Variants in ABCC1 observed in about 807,000 individuals in gnomAD.
ABCC1 encodes the protein multidrug resistance-associated protein 1.
A neutral mutation model predicts 172.9 loss-of-function variants in ABCC1; 83 were observed. The observed-to-expected ratio is 0.48, with a 90% CI of 0.40 to 0.58. The LOEUF is 0.58. Among genes scored for constraint, ABCC1 ranks in the 20% least tolerant of loss-of-function variants. ABCC1 has a pLI of 0.00. For synonymous variants in ABCC1, 937 were observed against 825.2 expected (o/e 1.14, Z -2.32); for missense variants, 1,817 against 2,002.7 (o/e 0.91, Z 1.77).
chr16:16,026,464 C>CTTTTTTTTTTTTTTTTTTTTT (rs1491397616), intron 5 of ABCC1, among the ~76,000 whole-genome samples: 2 of 102,296 alleles, frequency 2.0e-5, no homozygotes, highest in African/African-American at 7.0e-5. Flanking sequence ...AAGGCTATTT[C>CTTTTTTTTTTTTTTTTTTTTT]CTTTTTTTTT....
intron 7 of ABCC1, among the ~76,000 whole-genome samples, chr16:16,042,684 T>C (rs1339890236): frequency 1.4e-5 from 2 of 142,476 alleles, no homozygotes; most frequent in Non-Finnish European, 3.0e-5. Flanking sequence ...GCCTGTGTGA[T>C]AGAGCAAGAC....
chr16:16,111,507 G>A lies in ABCC1; in HGVS notation c.3004G>A (p.Asp1002Asn). The A allele has an allele frequency of 6.2e-7, 1 of 1,614,146 alleles. No individual in the cohort carries two copies. The highest frequency in any genetic ancestry group is 8.5e-7 in the Non-Finnish European group (1 of 1,180,026). The stretch of plus-strand genomic sequence containing the variant: ...CTATTGGCTCAGCCTCTGGACTGAT[G>A]ACCCCATCGTCAACGGGACTCAGGA... ...SNYWLSLWTD[D>N]PIVNGTQEHT... is the part of the protein sequence containing the mutation. Residue 1002 changes from aspartate to asparagine, a missense_variant, in exon 22 of 31, where the codon GAC becomes AAC. Asp to Asn is a conservative substitution (Grantham distance 23). This residue lies in a region of ABCC1 where 1,412 missense variants were observed against 1,600.3 expected (regional missense o/e 0.88). Transcript: ENST00000399410.
rs1228532784 is a variant in ABCC1, at chr16:15,999,769, T to TTC, written c.49-8008_49-8007dup. On this transcript the variant is annotated intron_variant, in intron 1 of 30. Transcript: ENST00000399410. ...GTGTGAGCCTCTGTGCCCGGCCTCTTTCTCTCTCTCTCTCTCTCTCTCTCT... is the reference window on the plus strand; with the variant it reads ...GTGTGAGCCTCTGTGCCCGGCCTCTTTCTCTCTCTCTCTCTCTCTCTCTCTCT... Among the ~76,000 whole-genome samples the TTC allele has an allele frequency of 6.6e-3, 168 of 25,340 alleles. 9 individuals are homozygous for TTC. The highest frequency in any genetic ancestry group is 0.051 in the East Asian group (35 of 682). The allele number at this position is 25,340 out of a possible 152,430, so 16.6% of individuals were successfully genotyped here.
chr16:16,134,687 A>G (rs1226657337), intron 28 of ABCC1, among the ~76,000 whole-genome samples, 179 bp downstream of exon 28: 1 of 123,770 alleles, frequency 8.1e-6, no homozygotes, highest in African/African-American at 3.2e-5. Context: ...CCCAGAGTGG[A>G]GTGCGCTGGC....
At chr16:16,041,649 T>C (rs1181066054) in intron 7 of ABCC1, among the ~76,000 whole-genome samples, 2 of 152,160 alleles carry the variant, frequency 1.3e-5, no homozygotes, top group Non-Finnish European at 2.9e-5. Flanking sequence ...CAGATCCCTT[T>C]TGTTAACCAG....
intron 26 of ABCC1, among the ~76,000 whole-genome samples, chr16:16,127,265 G>T (rs577878708): frequency 6.6e-6 from 1 of 152,274 alleles, no homozygotes; most frequent in South Asian, 2.1e-4. Context: ...TCTTGCCCGG[G>T]TTGGAGTGTA....
intron 24 of ABCC1, among the ~76,000 whole-genome samples, chr16:16,122,802 T>G (rs1354952127): frequency 6.6e-6 from 1 of 151,882 alleles, no homozygotes; most frequent in Non-Finnish European, 1.5e-5. Context: ...GAGGATCGTT[T>G]CAGCCCAGGA....
chr16:16,104,984 G>C (rs2052007604), intron 20 of ABCC1, among the ~76,000 whole-genome samples: 1 of 152,038 alleles, frequency 6.6e-6, no homozygotes, highest in Non-Finnish European at 1.5e-5. Context: ...GCCCTGTGCA[G>C]CTCCGGTTCC....
At chr16:16,139,517 A>G (rs370382303) in intron 30 of ABCC1, among the ~76,000 whole-genome samples, 1 of 146,380 alleles carries the variant, frequency 6.8e-6, no homozygotes, top group East Asian at 2.1e-4. Context: ...GAGGCTGAGG[A>G]AGGAGAATTG....
intron 3 of ABCC1, among the ~76,000 whole-genome samples, chr16:16,013,555 C>T (rs2047878418): frequency 8.4e-6 from 1 of 118,648 alleles, no homozygotes; most frequent in South Asian, 2.5e-4. Flanking sequence ...GCCACTGCAC[C>T]TGGCTGATTT....
chr16:16,004,244 G>A (rs899066560), intron 1 of ABCC1, among the ~76,000 whole-genome samples: 3 of 152,040 alleles, frequency 2.0e-5, no homozygotes, highest in South Asian at 4.1e-4. Flanking sequence ...CATAGTCCTG[G>A]CAAGGAATAA....
intron 7 of ABCC1, among the ~76,000 whole-genome samples, chr16:16,041,764 T>G (rs2048986639): frequency 6.6e-6 from 1 of 152,074 alleles, no homozygotes; most frequent in Non-Finnish European, 1.5e-5. Context: ...TCCTGGATCC[T>G]TTTACCACCT....
At chr16:15,994,694 G>T (rs1386399514) in intron 1 of ABCC1, among the ~76,000 whole-genome samples, 3 of 152,036 alleles carry the variant, frequency 2.0e-5, no homozygotes, top group Admixed American at 2.0e-4. Flanking sequence ...ACAAAAAATA[G>T]TAGTTGCCTT....
chr16:15,968,898 CT>C (rs113313116), intron 1 of ABCC1, among the ~76,000 whole-genome samples: 137 of 144,316 alleles, frequency 9.5e-4, no homozygotes, highest in Middle Eastern at 3.5e-3. Context: ...AATATTTTTT[CT>C]TTTTTTTTTT....
chr16:16,014,799 A>G (rs1055848987), intron 4 of ABCC1, among the ~76,000 whole-genome samples, 171 bp downstream of exon 4: 1 of 152,104 alleles, frequency 6.6e-6, no homozygotes, highest in Non-Finnish European at 1.5e-5. Context: ...TCCTCACTAA[A>G]TCAGCCCCAG....
intron 24 of ABCC1, among the ~76,000 whole-genome samples, chr16:16,122,434 C>T (rs1056404821): frequency 8.5e-5 from 13 of 152,130 alleles, no homozygotes; most frequent in African/African-American, 2.7e-4. Context: ...AAGTGCTTCC[C>T]GTTAACTGTC....
chr16:16,075,837 G>A (rs1038254463), intron 14 of ABCC1, among the ~76,000 whole-genome samples: 5 of 152,194 alleles, frequency 3.3e-5, no homozygotes, highest in African/African-American at 9.6e-5. Context: ...CTGGGGAGAA[G>A]GGTGAACGAC....
chr16:16,057,048 T>G (rs1301947218), intron 12 of ABCC1, among the ~76,000 whole-genome samples: 1 of 151,816 alleles, frequency 6.6e-6, no homozygotes, highest in Non-Finnish European at 1.5e-5. Flanking sequence ...ACTCTAAAAT[T>G]TACTTATTTT....
chr16:16,135,241 C>T (rs1156559914), intron 28 of ABCC1, among the ~76,000 whole-genome samples: 1 of 152,112 alleles, frequency 6.6e-6, no homozygotes, highest in African/African-American at 2.4e-5. Flanking sequence ...GCTGATGCTT[C>T]GGCTTCTATG....
Sources: gnomAD v4.1 joint callset for allele counts (sites outside exome capture counted in the v4.1 genomes callset) on GRCh38, gnomAD v4.1.1 for gene constraint, gnomAD v4.1.1 regional missense constraint, MANE v1.5 for transcripts, NCBI Gene and HGNC (gene_info 2026-07-23, HGNC 2026-07-21) for gene names.